The following BEND7 variants were observed in gnomAD, a reference collection of about 807,000 sequenced individuals.
The protein encoded by BEND7 is BEN domain containing 7, also known as BEN domain-containing protein 7.
Under a neutral mutation model 50.9 loss-of-function variants are expected in BEND7, and 28 were observed. The ratio of observed to expected loss-of-function variants is 0.55; its 90% CI spans 0.41 to 0.75. BEND7 has a LOEUF of 0.75. Ranked by LOEUF, BEND7 falls within the 30% of genes least tolerant of loss-of-function variation. BEND7 has a pLI of 0.00. For missense variants in BEND7, 477 were observed against 491.3 expected, an observed-to-expected ratio of 0.97 and a Z score of 0.28; for synonymous variants, 170 against 183.9, an observed-to-expected ratio of 0.92 and a Z score of 0.61.
At chr10:13,468,170 C>T (rs1464481102) in intron 6 of BEND7, among the ~76,000 whole-genome samples, 3 of 152,060 alleles carry the variant, frequency 2.0e-5, no homozygotes, top group Admixed American at 6.6e-5. Flanking sequence ...AATAGCAAGG[C>T]GGAGAGTTAA....
chr10:13,466,970 C>G (rs546344199), intron 6 of BEND7, among the ~76,000 whole-genome samples: 95 of 152,096 alleles, frequency 6.2e-4, no homozygotes, highest in Non-Finnish European at 9.6e-4. Flanking sequence ...GTGACAGAGG[C>G]TGGGAGAAGG....
chr10:13,439,303 C>G, downstream of BEND7: 1 of 1,614,156 alleles, frequency 6.2e-7, no homozygotes, highest in East Asian at 2.2e-5. Context: ...TGCTTGAAGT[C>G]TTGGCTGGTT....
chr10:13,472,069 C>T (rs998679707), intron 6 of BEND7, among the ~76,000 whole-genome samples: 1 of 152,114 alleles, frequency 6.6e-6, no homozygotes, highest in Non-Finnish European at 1.5e-5. Context: ...GGTCGATACC[C>T]GTCATCACTG....
intron 8 of BEND7, chr10:13,446,076 A>G (rs1836254895): frequency 6.6e-6 from 1 of 152,248 alleles, no homozygotes; most frequent in South Asian, 2.1e-4. Flanking sequence ...AAATGTGAAA[A>G]CACAGCCAAA....
intron 2 of BEND7, among the ~76,000 whole-genome samples, chr10:13,504,180 G>A (rs868607799): frequency 8.5e-5 from 13 of 152,216 alleles, no homozygotes; most frequent in Admixed American, 2.0e-4. Context: ...GAGCAGATGA[G>A]CAGGCCGAGC....
chr10:13,466,515 C>T (rs1028687925), intron 6 of BEND7, among the ~76,000 whole-genome samples: 14 of 151,632 alleles, frequency 9.2e-5, no homozygotes, highest in Admixed American at 2.0e-4. Context: ...GCCAAGATCA[C>T]ACCACTGCAG....
At chr10:13,471,963 C>T (rs532478888) in intron 6 of BEND7, among the ~76,000 whole-genome samples, 13 of 150,590 alleles carry the variant, frequency 8.6e-5, no homozygotes, top group Admixed American at 3.3e-4. Context: ...CTGTTAGACT[C>T]GGGGTCAATA....
chr10:13,526,099 C>T (rs1411034631), intron 2 of BEND7, 39 bp downstream of exon 2: 23 of 1,106,512 alleles, frequency 2.1e-5, no homozygotes, highest in Middle Eastern at 2.3e-4. Flanking sequence ...CAAATGGTCA[C>T]GATGTTTTGC....
intron 7 of BEND7, among the ~76,000 whole-genome samples, chr10:13,449,333 C>T (rs975740817): frequency 6.6e-6 from 1 of 152,122 alleles, no homozygotes; most frequent in Non-Finnish European, 1.5e-5. Context: ...CAATGATAAT[C>T]ACCATGTATT....
chr10:13,441,476 C>T lies in BEND7; in HGVS notation c.*267G>A, dbSNP rs920297907. 99 of 1,313,542 alleles carry T rather than the reference C, an allele frequency of 7.5e-5. 1 individual carries two copies. In the African/African-American group the frequency reaches 1.2e-3, roughly 16 times the overall value. The allele number at this position is 1,313,542 out of a possible 1,614,324, so 81.4% of individuals were successfully genotyped here. A position where few individuals can be genotyped will look rare whatever the true frequency, so the allele number is the denominator to read the frequency against. On this transcript the variant is annotated 3_prime_UTR_variant, in exon 9 of 9. Transcript: ENST00000466271. ...ATCTTTGGGTTGAACAAGCTCCACC[C>T]GTCCTCAAGTGCTGAACACCCCAAG... is the stretch of plus-strand genomic sequence containing the variant.
At chr10:13,488,018 T>C (rs2076360155) in intron 5 of BEND7, among the ~76,000 whole-genome samples, 1 of 144,276 alleles carries the variant, frequency 6.9e-6, no homozygotes, top group African/African-American at 2.6e-5. Context: ...GCTTGAACCC[T>C]GGAGGTGAGC....
intron 1 of BEND7, among the ~76,000 whole-genome samples, chr10:13,528,218 C>G (rs1394184888): frequency 1.3e-5 from 2 of 151,960 alleles, no homozygotes; most frequent in African/African-American, 2.4e-5. Flanking sequence ...TCGGGCCCCC[C>G]GGTGTCATTG....
rs1835342930 is a variant in BEND7 at position 13,441,651 on chromosome 10, T to A, written c.*92A>T. On this transcript the variant is annotated 3_prime_UTR_variant, in exon 9 of 9. Transcript: ENST00000466271. Reference sequence around the variant, plus strand: ...AAGGTCACCAATTAATCTTCTCCCTTCCCTTGGGTAGTAGCTCCTTGTGGG... The same window carrying A: ...AAGGTCACCAATTAATCTTCTCCCTACCCTTGGGTAGTAGCTCCTTGTGGG... The A allele has an allele frequency of 6.3e-7, 1 of 1,597,398 alleles. No individual in the cohort carries two copies. Among genetic ancestry groups the A allele is most frequent in the African/African-American group, 1.4e-5 (1 of 74,036 alleles).
In BEND7 at chr10:13,496,998, T is replaced by A. The variant is rs547118089; in HGVS notation, c.449-110A>T. On this transcript the variant is annotated intron_variant, in intron 3 of 8. Coordinates refer to ENST00000466271, the MANE Select transcript of BEND7 (RefSeq NM_001369863.1). Reference sequence around the variant, plus strand: ...AGTATCTTGGCAGGATTTTGAAGCATGTGCAATTATGATGAAGCTGTGCCT... The same window carrying A: ...AGTATCTTGGCAGGATTTTGAAGCAAGTGCAATTATGATGAAGCTGTGCCT... 279 of 1,315,342 alleles carry A rather than the reference T, an allele frequency of 2.1e-4. 3 individuals are homozygous for A. In the South Asian group the frequency reaches 3.3e-3, roughly 16 times the overall value. The allele number at this position is 1,315,342 out of a possible 1,614,324, so 81.5% of individuals were successfully genotyped here.
intron 5 of BEND7, among the ~76,000 whole-genome samples, chr10:13,486,692 T>C (rs2076248784): frequency 6.6e-6 from 1 of 152,238 alleles, no homozygotes. Context: ...GTTGACAATA[T>C]TTTGGTAGAG....
chr10:13,454,532 A>G (rs1046174251), intron 6 of BEND7, among the ~76,000 whole-genome samples: 1 of 151,888 alleles, frequency 6.6e-6, no homozygotes, highest in Non-Finnish European at 1.5e-5. Flanking sequence ...AGGCAGGAGG[A>G]TCTCTTGAGC....
chr10:13,494,857 T>A (rs1282615459), intron 4 of BEND7, among the ~76,000 whole-genome samples: 3 of 152,238 alleles, frequency 2.0e-5, no homozygotes, highest in Admixed American at 2.0e-4. Context: ...GTAATTTAAA[T>A]CTAAGTCTTC....
intron 2 of BEND7, among the ~76,000 whole-genome samples, chr10:13,521,925 G>A (rs931047474): frequency 2.6e-5 from 4 of 152,178 alleles, no homozygotes; most frequent in African/African-American, 9.7e-5. Flanking sequence ...TCCTCTTTGG[G>A]GAGATTCTGG....
intron 6 of BEND7, among the ~76,000 whole-genome samples, chr10:13,461,895 C>T (rs1840284517): frequency 6.6e-6 from 1 of 152,040 alleles, no homozygotes; most frequent in African/African-American, 2.4e-5. Flanking sequence ...GCCTTGAAAC[C>T]TGGGCCACAA....
Sources: allele counts gnomAD v4.1 joint callset (sites outside exome capture counted in the v4.1 genomes callset), GRCh38; gene constraint gnomAD v4.1.1; transcripts MANE v1.5; gene names NCBI Gene and HGNC (gene_info 2026-07-23, HGNC 2026-07-21).